PGM1: variants seen among roughly 807,000 people sequenced by gnomAD.
PGM1 encodes the protein phosphoglucomutase 1.
A neutral mutation model predicts 55.6 loss-of-function variants in PGM1; 52 were observed. The ratio of observed to expected loss-of-function variants is 0.94; its 90% CI spans 0.75 to 1.18. PGM1 has a LOEUF of 1.18. PGM1 is among the 50% of genes most tolerant of loss of function. The pLI, the probability that PGM1 is intolerant of heterozygous loss-of-function variation, is 0.00. For synonymous variants in PGM1, 287 were observed against 271.7 expected, an observed-to-expected ratio of 1.06 and a Z score of -0.55; for missense variants, 724 against 729.3, an observed-to-expected ratio of 0.99 and a Z score of 0.08.
At position 63,659,633 on chromosome 1, in the gene PGM1, G is replaced by C; in HGVS notation, c.1647G>C (p.Leu549=). 8 of 1,614,098 alleles carry C rather than the reference G, an allele frequency of 5.0e-6. No homozygotes were observed. Among genetic ancestry groups the C allele is most frequent in the Non-Finnish European group, 6.8e-6 (8 of 1,179,984 alleles). ...CCATTGCTCTGAAAGTGTCCCAGCTGCAGGAGAGGACGGGACGCACTGCAC... is the reference window on the plus strand; with the variant it reads ...CCATTGCTCTGAAAGTGTCCCAGCTCCAGGAGAGGACGGGACGCACTGCAC... ...LISIALKVSQ[L]QERTGRTAPT... Residue 549 remains leucine (L), a synonymous_variant, in exon 11 of 11, where the codon CTG becomes CTC. Coordinates refer to ENST00000371084, the MANE Select transcript of PGM1 (RefSeq NM_002633.3).
chr1:63,622,223 C>T (rs2100975704), intron 1 of PGM1, among the ~76,000 whole-genome samples: 1 of 151,910 alleles, frequency 6.6e-6, no homozygotes, highest in South Asian at 2.1e-4. Flanking sequence ...CAGGGTTTCA[C>T]CATGTTGAAC....
chr1:63,603,203 C>T (rs953370423), intron 1 of PGM1, among the ~76,000 whole-genome samples: 4 of 152,230 alleles, frequency 2.6e-5, no homozygotes, highest in Non-Finnish European at 5.9e-5. Context: ...TTCCTGTCTA[C>T]AACAAACCTT....
chr1:63,634,808 T>A, intron 4 of PGM1, 21 bp from the exon 5 acceptor site: 1 of 1,600,884 alleles, frequency 6.2e-7, no homozygotes, highest in Non-Finnish European at 8.6e-7. Flanking sequence ...TCTGCATACA[T>A]TTATTCCATG....
chr1:63,621,957 G>A (rs955662649), intron 1 of PGM1, among the ~76,000 whole-genome samples: 7 of 152,040 alleles, frequency 4.6e-5, no homozygotes, highest in Non-Finnish European at 8.8e-5. Flanking sequence ...GTCTACTTTC[G>A]GATGCTACTT....
chr1:63,593,826 T>G (rs1001368511), intron 1 of PGM1, 92 bp downstream of exon 1: 6 of 1,320,564 alleles, frequency 4.5e-6, no homozygotes, highest in Non-Finnish European at 5.7e-6. Context: ...GCCGGCCGCT[T>G]CCGCGCGCTG....
At chr1:63,631,359 C>T (rs1406222554) in intron 3 of PGM1, among the ~76,000 whole-genome samples, 3 of 152,136 alleles carry the variant, frequency 2.0e-5, no homozygotes, top group Non-Finnish European at 2.9e-5. Flanking sequence ...GTTGAAAATC[C>T]CCTGTGTGCC....
At chr1:63,594,215 C>T in intron 1 of PGM1, 8 of 813,370 alleles carry the variant, frequency 9.8e-6, no homozygotes, top group Non-Finnish European at 1.2e-5. Flanking sequence ...TCGGCTAGGA[C>T]TGGCGCTTCC....
chr1:63,654,511 G>A lies in PGM1; in HGVS notation c.1599+45G>A, dbSNP rs76573933. On this transcript the variant is annotated intron_variant, in intron 10 of 10. Transcript: ENST00000371084. Reference sequence around the variant, plus strand: ...CCTGGTTAGTTCTTTCTGTTCAAGGGAATGATAGTTTCCCATTGAGCCTGT... The same window carrying A: ...CCTGGTTAGTTCTTTCTGTTCAAGGAAATGATAGTTTCCCATTGAGCCTGT... 2.6e-3 allele frequency: 4,205 copies of A among 1,604,624 alleles called. 102 individuals carry two copies. In the African/African-American group the frequency reaches 0.05, roughly 19 times the overall value.
At chr1:63,615,020 C>G (rs575182607) in intron 1 of PGM1, among the ~76,000 whole-genome samples, 23 of 152,334 alleles carry the variant, frequency 1.5e-4, no homozygotes, top group South Asian at 4.1e-4. Flanking sequence ...GCCTGTTTGA[C>G]TCCAGAGCCC....
chr1:63,640,737 G>A (rs917634014), intron 7 of PGM1, among the ~76,000 whole-genome samples: 4 of 152,156 alleles, frequency 2.6e-5, no homozygotes, highest in Admixed American at 6.5e-5. Context: ...AATACAAGAA[G>A]CAGCTCTCAG....
chr1:63,645,064 C>G (rs1317450981), intron 7 of PGM1, among the ~76,000 whole-genome samples: 1 of 152,230 alleles, frequency 6.6e-6, no homozygotes, highest in Admixed American at 6.5e-5. Context: ...TTTGCTCCAA[C>G]TTCCTGAGTA....
At chr1:63,604,034 CT>C (rs770766445) in intron 1 of PGM1, among the ~76,000 whole-genome samples, 31 of 152,312 alleles carry the variant, frequency 2.0e-4, no homozygotes, top group East Asian at 1.4e-3. Context: ...TCACCTGCAA[CT>C]TGGAGCACTT....
intron 1 of PGM1, among the ~76,000 whole-genome samples, chr1:63,609,071 C>G (rs771253938): frequency 6.6e-6 from 1 of 152,178 alleles, no homozygotes; most frequent in African/African-American, 2.4e-5. Context: ...GTCTTTGTGC[C>G]TCTTACCACC....
intron 9 of PGM1, among the ~76,000 whole-genome samples, chr1:63,653,122 G>T (rs774920872): frequency 1.6e-4 from 25 of 152,172 alleles, no homozygotes; most frequent in Non-Finnish European, 3.5e-4. Context: ...GGAGACAGTG[G>T]CCTAAGCTCG....
rs34771728 is a variant in PGM1, at chr1:63,617,730, C to CAAAAA, written c.247-11670_247-11666dup. On this transcript the variant is annotated intron_variant, in intron 1 of 10. Coordinates refer to ENST00000371084, the MANE Select transcript of PGM1 (RefSeq NM_002633.3). ...GAGACAGAGTGACTCTGCCTCCCCA[C>CAAAAA]AAAAAAAAAAAAAAAAAAAAAAAAA... Among the ~76,000 whole-genome samples the CAAAAA allele has an allele frequency of 1.8e-3, 78 of 43,326 alleles. 1 individual carries two copies. Among genetic ancestry groups the CAAAAA allele is most frequent in the Non-Finnish European group, 3.0e-3 (68 of 22,536 alleles). 28.4% of individuals were successfully genotyped at this position (43,326 alleles called of 152,430 possible). A position where few individuals can be genotyped will look rare whatever the true frequency, so the allele number is the denominator to read the frequency against.
At chr1:63,655,607 G>A (rs1240165328) in intron 10 of PGM1, 1 of 152,276 alleles carries the variant, frequency 6.6e-6, no homozygotes, top group Non-Finnish European at 1.5e-5. Context: ...GTGAAGGACA[G>A]GACAGTTTCT....
intron 7 of PGM1, among the ~76,000 whole-genome samples, chr1:63,643,631 C>A (rs1649574679): frequency 6.6e-6 from 1 of 152,212 alleles, no homozygotes; most frequent in South Asian, 2.1e-4. Flanking sequence ...GAGGACAGGA[C>A]TGCAGACACA....
intron 5 of PGM1, 102 bp from the exon 6 acceptor site, chr1:63,636,132 C>T (rs1476108154): frequency 1.7e-6 from 2 of 1,170,740 alleles, no homozygotes; most frequent in Non-Finnish European, 2.5e-6. Context: ...AGATCAATTT[C>T]AAATTTTATA....
chr1:63,647,256 TTACATATATATATATATATATATATATA>T (rs1260004721), intron 7 of PGM1, among the ~76,000 whole-genome samples: 5 of 51,558 alleles, frequency 9.7e-5, no homozygotes, highest in African/African-American at 1.8e-4. Context: ...AAATAAAATT[TTACATATATATATATATATATATATATA>T]TATATATATA....
Sources: gnomAD v4.1 joint callset for allele counts (sites outside exome capture counted in the v4.1 genomes callset) on GRCh38, gnomAD v4.1.1 for gene constraint, MANE v1.5 for transcripts, NCBI Gene and HGNC (gene_info 2026-07-23, HGNC 2026-07-21) for gene names.